The following MYL6B variants were observed in gnomAD, a reference collection of about 807,000 sequenced individuals.
MYL6B encodes the protein myosin light chain 6B.
MYL6B carries 19 observed loss-of-function variants against 24.5 expected under a neutral mutation model. The observed-to-expected ratio is 0.78, with a 90% confidence interval of 0.54 to 1.14. The LOEUF (loss-of-function observed/expected upper bound fraction) is 1.14, where lower values mean the gene tolerates loss of function less well. Among genes scored for constraint, MYL6B ranks in the 50% most tolerant of loss-of-function variants. MYL6B has a pLI of 0.00. For synonymous variants in MYL6B, 90 were observed against 100.7 expected, an observed-to-expected ratio of 0.89 and a Z score of 0.64; for missense variants, 230 against 263.8, an observed-to-expected ratio of 0.87 and a Z score of 0.89.
At chr12:56,154,790 C>T (rs1311642486) in intron 2 of MYL6B, 23 bp from the exon 3 acceptor site, 74 of 1,610,082 alleles carry the variant, frequency 4.6e-5, no homozygotes, top group Non-Finnish European at 6.3e-5. Context: ...TCATCTCTCC[C>T]CACCTGCTTT....
chr12:56,155,465 C>T, exon 5 of MYL6B: 6 of 1,614,142 alleles, frequency 3.7e-6, no homozygotes, highest in Non-Finnish European at 5.1e-6. Flanking sequence ...TGCCCATGCT[C>T]CAGGCAGTGG....
exon 7 of MYL6B, chr12:56,157,831 C>A (rs1253541784): frequency 8.6e-6 from 12 of 1,392,332 alleles, no homozygotes; most frequent in Non-Finnish European, 1.2e-5. Context: ...ATTCTGCTGT[C>A]CGGTTGCTGC....
At position 56,153,820 on chromosome 12, in the gene MYL6B, C is replaced by T. The variant is rs935333469; in HGVS notation, c.-46-53C>T. ...CATCTTTGCCACAGCCAACTGGCTC[C>T]CTGCCCCTGCCCCCGCCCCTTGACA... On this transcript the variant is annotated intron_variant, in intron 1 of 6. Transcript: ENST00000553066. 41 of 1,303,894 alleles carry T rather than the reference C, an allele frequency of 3.1e-5. No homozygotes were observed. The Middle Eastern group carries it at 8.9e-4, about 28-fold the overall frequency. 80.8% of individuals were successfully genotyped at this position (1,303,894 alleles called of 1,614,324 possible). A position where few individuals can be genotyped will look rare whatever the true frequency, so the allele number is the denominator to read the frequency against.
chr12:56,155,621 C>G (rs753631522), intron 5 of MYL6B, 29 bp downstream of exon 5: 1 of 1,611,390 alleles, frequency 6.2e-7, no homozygotes, highest in African/African-American at 1.3e-5. Context: ...ACCAGAACTC[C>G]TTTAGAGTGG....
chr12:56,155,866 A>G (rs1871287035), intron 5 of MYL6B: 1 of 1,329,590 alleles, frequency 7.5e-7, no homozygotes, highest in South Asian at 1.5e-5. Context: ...GTTCTGGTAC[A>G]AGTCTCGTAA....
chr12:56,157,646 G>A, intron 6 of MYL6B, 52 bp from the exon 7 acceptor site: 6 of 1,613,424 alleles, frequency 3.7e-6, no homozygotes, highest in Non-Finnish European at 5.1e-6. Context: ...AGAGTCAGAT[G>A]TATTATCCAA....
chr12:56,156,622 AT>A (rs1871318138), intron 5 of MYL6B, among the ~76,000 whole-genome samples: 1 of 151,850 alleles, frequency 6.6e-6, no homozygotes, highest in African/African-American at 2.4e-5. Context: ...GCAAAACAGC[AT>A]GGGCTGGCCG....
chr12:56,157,915 C>A (rs1002175197), exon 7 of MYL6B: 1 of 640,664 alleles, frequency 1.6e-6, no homozygotes, highest in Non-Finnish European at 2.7e-6. Context: ...GCCCCGCAGG[C>A]GAAAGCACGT....
At position 56,155,119 on chromosome 12, in the gene MYL6B, T is replaced by G. The variant is rs202164722; in HGVS notation, c.267T>G (p.Cys89Trp). 6.9e-5 allele frequency: 112 copies of G among 1,613,962 alleles called. No homozygotes were observed. Among genetic ancestry groups the G allele is most frequent in the Non-Finnish European group, 1.6e-5 (19 of 1,179,972 alleles). ...ATGGCAAGATCCTGTACAGCCAGTG[T>G]GGGGACGTGATGAGGGCCCTGGGCC... Residue 89 changes from cysteine (C) to tryptophan (W), a missense_variant, in exon 4 of 7, where the codon TGT becomes TGG. By Grantham distance (215) the Cys-to-Trp change is radical. Coordinates refer to ENST00000553066, the Ensembl canonical transcript of MYL6B.
chr12:56,152,921 T>G (rs1029159737), intron 1 of MYL6B, among the ~76,000 whole-genome samples: 68 of 152,012 alleles, frequency 4.5e-4, no homozygotes, highest in African/African-American at 1.6e-3. Flanking sequence ...CCCCCCAACT[T>G]GGACTCTCTC....
intron 5 of MYL6B, chr12:56,156,087 C>T (rs960299306): frequency 6.7e-5 from 68 of 1,012,752 alleles, no homozygotes; most frequent in South Asian, 4.3e-4. Context: ...GGGCGGATCA[C>T]CTTAGCTCGG....
chr12:56,154,190 TG>T, intron 2 of MYL6B, 98 bp downstream of exon 2: 1 of 1,261,050 alleles, frequency 7.9e-7, no homozygotes, highest in South Asian at 1.5e-5. Flanking sequence ...AGGGAATCAG[TG>T]AGCCCTGGAA....
chr12:56,157,326 G>C, intron 5 of MYL6B, 142 bp from the exon 6 acceptor site: 1 of 720,440 alleles, frequency 1.4e-6, no homozygotes, highest in Non-Finnish European at 2.3e-6. Context: ...GGAGGTTGCA[G>C]TGAGCCGAGA....
intron 3 of MYL6B, 60 bp from the exon 4 acceptor site, chr12:56,154,995 C>T: frequency 6.4e-7 from 1 of 1,563,310 alleles, no homozygotes; most frequent in Non-Finnish European, 8.7e-7. Flanking sequence ...AAATTCCCTT[C>T]TGTCTGGGGG....
chr12:56,155,501 T>C, exon 5 of MYL6B: 6 of 1,613,898 alleles, frequency 3.7e-6, no homozygotes, highest in Middle Eastern at 1.6e-4. Flanking sequence ...AAGGCACATA[T>C]GAGGACTACT....
chr12:56,157,417 G>C, intron 5 of MYL6B, 51 bp from the exon 6 acceptor site: 1 of 1,558,322 alleles, frequency 6.4e-7, no homozygotes. Context: ...GCGTGGCCTG[G>C]GTGAGTGAAG....
At chr12:56,155,998 A>C in intron 5 of MYL6B, 1 of 1,163,468 alleles carries the variant, frequency 8.6e-7, no homozygotes, top group South Asian at 1.7e-5. Context: ...GGAGAAGAAG[A>C]GGTACCACTC....
In MYL6B at chr12:56,155,841, A is replaced by T. The variant is rs187488787; in HGVS notation, c.520+249A>T. ...AACCTGAATTTTCATTTTGGAAGAG[A>T]CGTGTGGGTTGTGTGTTCTGGTACA... On this transcript the variant is annotated intron_variant, in intron 5 of 6. Transcript: ENST00000553066. 2.9e-5 allele frequency: 41 copies of T among 1,394,348 alleles called. No individual in the cohort carries two copies. In the East Asian group the frequency reaches 1.1e-3, roughly 38 times the overall value. The allele number at this position is 1,394,348 out of a possible 1,614,324, so 86.4% of individuals were successfully genotyped here.
intron 4 of MYL6B, 40 bp from the exon 5 acceptor site, chr12:56,155,379 T>A: frequency 6.2e-7 from 1 of 1,613,756 alleles, no homozygotes; most frequent in Non-Finnish European, 8.5e-7. Context: ...TCCTATGTAA[T>A]ACTACAATGA....
Sources: gnomAD v4.1 joint callset for allele counts (sites outside exome capture counted in the v4.1 genomes callset) on GRCh38, gnomAD v4.1.1 for gene constraint, MANE v1.5 for transcripts, NCBI Gene and HGNC (gene_info 2026-07-23, HGNC 2026-07-21) for gene names.